The following SLC2A2 variants were observed in gnomAD, a reference collection of about 807,000 sequenced individuals.
SLC2A2 encodes solute carrier family 2 member 2, also known as solute carrier family 2, facilitated glucose transporter member 2.
In SLC2A2, 36 loss-of-function variants were observed where a neutral mutation model predicts 54.5. The observed-to-expected ratio is 0.66, with a 90% CI of 0.51 to 0.87. SLC2A2 has a LOEUF of 0.87. Among genes scored for constraint, SLC2A2 ranks in the 40% least tolerant of loss-of-function variants. SLC2A2 has a pLI of 0.00. For missense variants in SLC2A2, 543 were observed against 624.3 expected (o/e 0.87, Z 1.39); for synonymous variants, 223 against 219.1 (o/e 1.02, Z -0.16).
At chr3:171,006,283 A>G (rs1035669648) in intron 5 of SLC2A2, among the ~76,000 whole-genome samples, 178 bp from the exon 6 acceptor site, 1 of 148,034 alleles carries the variant, frequency 6.8e-6, no homozygotes, top group African/African-American at 2.6e-5. Context: ...ACTATTTGTT[A>G]TATAAGGAAT....
intron 3 of SLC2A2, among the ~76,000 whole-genome samples, chr3:171,010,551 G>T (rs1715836458): frequency 6.6e-6 from 1 of 152,044 alleles, no homozygotes; most frequent in African/African-American, 2.4e-5. Flanking sequence ...AAGAATAATT[G>T]TCTGGTGATA....
intron 8 of SLC2A2, among the ~76,000 whole-genome samples, chr3:171,001,055 G>T (rs1715311549): frequency 6.6e-6 from 1 of 151,958 alleles, no homozygotes; most frequent in African/African-American, 2.4e-5. Flanking sequence ...TCAAAGGATG[G>T]ACTCTAAAAA....
At chr3:171,022,153 A>G (rs926328292) in intron 1 of SLC2A2, among the ~76,000 whole-genome samples, 6 of 152,236 alleles carry the variant, frequency 3.9e-5, no homozygotes, top group Non-Finnish European at 8.8e-5. Flanking sequence ...CCCATTTTAT[A>G]GATAACTAGA....
At chr3:171,008,011 G>T (rs1354390282) in intron 4 of SLC2A2, among the ~76,000 whole-genome samples, 1 of 152,082 alleles carries the variant, frequency 6.6e-6, no homozygotes, top group Non-Finnish European at 1.5e-5. Context: ...CATGTAATCA[G>T]TCGTGCTGGA....
intron 3 of SLC2A2, among the ~76,000 whole-genome samples, chr3:171,013,204 G>T (rs1715970810): frequency 1.3e-5 from 2 of 151,928 alleles, no homozygotes; most frequent in Non-Finnish European, 2.9e-5. Context: ...GAGCCCACTT[G>T]CTAGGAAATA....
intron 5 of SLC2A2, among the ~76,000 whole-genome samples, chr3:171,006,634 T>A (rs1435639740): frequency 6.6e-6 from 1 of 152,014 alleles, no homozygotes; most frequent in Non-Finnish European, 1.5e-5. Context: ...GACTACCCTC[T>A]GGATTGTCGT....
chr3:171,023,013 C>T (rs1716532648), intron 1 of SLC2A2, among the ~76,000 whole-genome samples: 2 of 152,202 alleles, frequency 1.3e-5, no homozygotes, highest in African/African-American at 2.4e-5. Flanking sequence ...AGATCAGTTT[C>T]TCATTTTATT....
At chr3:171,018,984 A>T (rs1467456629) in intron 1 of SLC2A2, among the ~76,000 whole-genome samples, 1 of 151,548 alleles carries the variant, frequency 6.6e-6, no homozygotes, top group Non-Finnish European at 1.5e-5. Flanking sequence ...AAATTACTTG[A>T]TTAAAAAAAT....
At chr3:171,000,887 G>C (rs1481273068) in intron 8 of SLC2A2, among the ~76,000 whole-genome samples, 5 of 152,020 alleles carry the variant, frequency 3.3e-5, no homozygotes, top group Non-Finnish European at 7.4e-5. Context: ...GTGACGGAGG[G>C]ACTATCCTTT....
At chr3:171,004,695 T>C (rs929571186) in intron 7 of SLC2A2, among the ~76,000 whole-genome samples, 1 of 152,004 alleles carries the variant, frequency 6.6e-6, no homozygotes, top group Non-Finnish European at 1.5e-5. Flanking sequence ...GGGGTTTCAG[T>C]GTAAGACCTA....
chr3:171,008,079 G>A (rs1715694059), intron 4 of SLC2A2, among the ~76,000 whole-genome samples: 1 of 152,028 alleles, frequency 6.6e-6, no homozygotes, highest in African/African-American at 2.4e-5. Flanking sequence ...ACTATCGACA[G>A]GCAAGGCTGA....
intron 1 of SLC2A2, among the ~76,000 whole-genome samples, chr3:171,019,427 A>G (rs1716351166): frequency 6.6e-6 from 1 of 152,004 alleles, no homozygotes; most frequent in African/African-American, 2.4e-5. Context: ...GATAAGGGCC[A>G]TTATTTTCTC....
chr3:171,018,903 T>C (rs2108262409), intron 1 of SLC2A2, among the ~76,000 whole-genome samples: 1 of 152,010 alleles, frequency 6.6e-6, no homozygotes, highest in South Asian at 2.1e-4. Context: ...TGTATGAGAA[T>C]AGCATACCTC....
At chr3:171,012,759 A>G (rs374450030) in intron 3 of SLC2A2, among the ~76,000 whole-genome samples, 13 of 152,256 alleles carry the variant, frequency 8.5e-5, no homozygotes, top group African/African-American at 3.1e-4. Flanking sequence ...CTTTGTCTTA[A>G]TTTTGATGTT....
chr3:171,010,867 C>A (rs1006701673), intron 3 of SLC2A2, among the ~76,000 whole-genome samples: 5 of 151,994 alleles, frequency 3.3e-5, no homozygotes, highest in African/African-American at 1.2e-4. Context: ...ACAACATTTG[C>A]AGATATCTGT....
At chr3:171,008,989 A>G (rs1715747494) in intron 4 of SLC2A2, among the ~76,000 whole-genome samples, 4 of 152,116 alleles carry the variant, frequency 2.6e-5, no homozygotes, top group Non-Finnish European at 4.4e-5. Context: ...TTCTGTAGGT[A>G]AAAGTGTTAA....
At chr3:171,019,061 G>GTGTA (rs1716297071) in intron 1 of SLC2A2, among the ~76,000 whole-genome samples, 1 of 125,668 alleles carries the variant, frequency 8.0e-6, no homozygotes, top group African/African-American at 3.8e-5. Context: ...GTTGATATGT[G>GTGTA]TGTGTGTGTG....
intron 2 of SLC2A2, among the ~76,000 whole-genome samples, chr3:171,016,148 G>T (rs1298508879): frequency 6.6e-6 from 1 of 152,176 alleles, no homozygotes; most frequent in Non-Finnish European, 1.5e-5. Flanking sequence ...CAAGACATTT[G>T]TCTCAGACTG....
At position 171,006,094 on chromosome 3, in the gene SLC2A2, A is replaced by C. The variant is rs1715592385; in HGVS notation, c.624T>G (p.Leu208=). 1 of 1,612,126 alleles carries C rather than the reference A, an allele frequency of 6.2e-7. No homozygotes were observed. Among genetic ancestry groups the C allele is most frequent in the South Asian group, 1.1e-5 (1 of 91,038 alleles). ...GATCATAATTGCCCAAGATAAATTCAAGACCAATAATCTGAAAATGCAAGG... is the reference window on the plus strand; with the variant it reads ...GATCATAATTGCCCAAGATAAATTCCAGACCAATAATCTGAAAATGCAAGG... ...TGILISQIIG[L]EFILGNYDLW... The change falls in exon 6 of 11, where the codon CTT becomes CTG. Residue 208 remains leucine (L), a synonymous_variant. Coordinates refer to ENST00000314251, the MANE Select transcript of SLC2A2 (RefSeq NM_000340.2).
Sources: gnomAD v4.1 joint callset for allele counts (sites outside exome capture counted in the v4.1 genomes callset) on GRCh38, gnomAD v4.1.1 for gene constraint, MANE v1.5 for transcripts, NCBI Gene and HGNC (gene_info 2026-07-23, HGNC 2026-07-21) for gene names.